The following MACROD2 variants were observed in gnomAD, a reference collection of about 807,000 sequenced individuals.
MACROD2 encodes the protein ADP-ribose glycohydrolase MACROD2.
MACROD2 carries 36 observed loss-of-function variants against 70.4 expected under a neutral mutation model. The observed-to-expected ratio is 0.51, with a 90% CI of 0.39 to 0.68. The LOEUF is 0.68. Among genes scored for constraint, MACROD2 ranks in the 30% least tolerant of loss-of-function variants. The pLI, the probability that MACROD2 is intolerant of heterozygous loss-of-function variation, is 0.00. For synonymous variants in MACROD2, 172 were observed against 178.8 expected, an observed-to-expected ratio of 0.96 and a Z score of 0.30; for missense variants, 496 against 538.4, an observed-to-expected ratio of 0.92 and a Z score of 0.78.
At chr20:15,223,254 A>G (rs1013739123) in intron 5 of MACROD2, among the ~76,000 whole-genome samples, 1 of 152,200 alleles carries the variant, frequency 6.6e-6, no homozygotes, top group African/African-American at 2.4e-5. Context: ...AAATGTACAA[A>G]TCGCATTGCT....
chr20:14,053,273 G>A (rs2148650386), intron 2 of MACROD2: 1 of 152,174 alleles, frequency 6.6e-6, no homozygotes, highest in African/African-American at 2.4e-5. Context: ...TATTTTTGTT[G>A]TATATGTAAC....
intron 5 of MACROD2, among the ~76,000 whole-genome samples, chr20:15,159,767 C>T (rs778081533): frequency 9.3e-5 from 14 of 151,224 alleles, no homozygotes; most frequent in South Asian, 4.2e-4. Flanking sequence ...CACACACACA[C>T]GCATGGGCAC....
intron 6 of MACROD2, among the ~76,000 whole-genome samples, chr20:15,356,598 A>AT (rs11481824): frequency 0.18 from 27,213 of 152,008 alleles, 2,701 homozygotes; most frequent in Non-Finnish European, 0.23. Flanking sequence ...AGCCTGACCA[A>AT]TATGGCTAAA....
At chr20:15,603,140 C>T (rs1271464977) in intron 8 of MACROD2, among the ~76,000 whole-genome samples, 1 of 151,930 alleles carries the variant, frequency 6.6e-6, no homozygotes, top group Non-Finnish European at 1.5e-5. Context: ...TGTGGAGCTT[C>T]CTTATTTAGA....
At position 14,440,362 on chromosome 20, in the gene MACROD2, TG is replaced by T. The variant is rs111413840; in HGVS notation, c.272-53115del. ...TGAGGTTTTTTTGCAATTTTTTTTT[TG>T]GTTTTAGCTCATCAACTATTGTTAG... On this transcript the variant is annotated intron_variant, in intron 3 of 17. Transcript: ENST00000684519. 5.2e-3 allele frequency among the ~76,000 whole-genome samples: 791 copies of T among 151,734 alleles called. 7 individuals are homozygous for T. Among genetic ancestry groups the T allele is most frequent in the South Asian group, 0.015 (72 of 4,808 alleles).
At chr20:14,496,989 G>A (rs1477271761) in intron 4 of MACROD2, among the ~76,000 whole-genome samples, 1 of 151,738 alleles carries the variant, frequency 6.6e-6, no homozygotes, top group African/African-American at 2.4e-5. Flanking sequence ...AAGTTGGAAT[G>A]AGAAGACAGC....
chr20:14,699,785 T>C (rs1285147187), intron 5 of MACROD2, among the ~76,000 whole-genome samples: 2 of 151,602 alleles, frequency 1.3e-5, no homozygotes, highest in Admixed American at 1.3e-4. Context: ...GTTTAAACTT[T>C]TTAAATCTAG....
intron 5 of MACROD2, among the ~76,000 whole-genome samples, chr20:14,861,974 T>A (rs1205420715): frequency 4.2e-5 from 2 of 47,526 alleles, no homozygotes; most frequent in Non-Finnish European, 8.4e-5. Flanking sequence ...GTTTTATATA[T>A]AAATATATAT....
intron 3 of MACROD2, chr20:14,337,379 A>G (rs549922833): frequency 1.5e-4 from 51 of 343,494 alleles, no homozygotes; most frequent in Non-Finnish European, 2.2e-4. Flanking sequence ...GGACAATCAT[A>G]AGAAAAAACA....
At chr20:15,510,342 G>A (rs900789879) in intron 8 of MACROD2, among the ~76,000 whole-genome samples, 1 of 152,124 alleles carries the variant, frequency 6.6e-6, no homozygotes, top group African/African-American at 2.4e-5. Flanking sequence ...ATCCCTTCTA[G>A]GTAGGAAGGA....
At chr20:14,027,033 C>T (rs774074749) in intron 2 of MACROD2, among the ~76,000 whole-genome samples, 4 of 152,212 alleles carry the variant, frequency 2.6e-5, no homozygotes, top group Non-Finnish European at 4.4e-5. Context: ...GGTCGACAGA[C>T]ACCTCATACA....
chr20:14,421,981 G>A (rs921973461), intron 3 of MACROD2, among the ~76,000 whole-genome samples: 4 of 152,062 alleles, frequency 2.6e-5, no homozygotes, highest in Non-Finnish European at 5.9e-5. Context: ...TGTTATTGAA[G>A]GCAAGGTATT....
intron 2 of MACROD2, among the ~76,000 whole-genome samples, chr20:14,023,994 A>G (rs1207763702): frequency 2.6e-5 from 4 of 152,168 alleles, no homozygotes; most frequent in Non-Finnish European, 4.4e-5. Context: ...TTTGGGTAGT[A>G]TGGCCATTTT....
At position 15,178,128 on chromosome 20, in the gene MACROD2, G is replaced by A. The variant is rs534195183; in HGVS notation, c.419-51812G>A. On this transcript the variant is annotated intron_variant, in intron 5 of 17. Coordinates refer to ENST00000684519, the MANE Select transcript of MACROD2 (RefSeq NM_001351661.2). ...TATGAGAGTGAATGTACTGCCTCAG[G>A]TTACTTAAAAGCCGAAGCAGTGATT... Among the ~76,000 whole-genome samples the A allele has an allele frequency of 1.1e-4, 16 of 152,272 alleles. No individual in the cohort carries two copies. The South Asian group carries it at 3.1e-3, about 30-fold the overall frequency.
chr20:14,365,565 CTT>C (rs2083264267), intron 3 of MACROD2, among the ~76,000 whole-genome samples: 1 of 151,828 alleles, frequency 6.6e-6, no homozygotes, highest in Admixed American at 6.6e-5. Context: ...GAACCAATTT[CTT>C]GTTTCGTTAA....
chr20:15,536,781 C>T (rs1479190901), intron 8 of MACROD2, among the ~76,000 whole-genome samples: 1 of 152,146 alleles, frequency 6.6e-6, no homozygotes, highest in Non-Finnish European at 1.5e-5. Flanking sequence ...TGATCGTTTC[C>T]ATCCTAAGAT....
intron 12 of MACROD2, among the ~76,000 whole-genome samples, chr20:15,948,340 C>G (rs975857648): frequency 4.2e-5 from 6 of 144,386 alleles, no homozygotes; most frequent in South Asian, 4.4e-4. Context: ...ACAGCAACCC[C>G]CTTTGGGAGC....
chr20:14,622,198 T>G (rs1015726432), intron 4 of MACROD2, among the ~76,000 whole-genome samples: 4 of 152,176 alleles, frequency 2.6e-5, no homozygotes, highest in African/African-American at 9.6e-5. Context: ...AATAATTTTC[T>G]TGCAATGATC....
At chr20:14,536,117 G>C (rs1020323043) in intron 4 of MACROD2, among the ~76,000 whole-genome samples, 1 of 152,104 alleles carries the variant, frequency 6.6e-6, no homozygotes, top group African/African-American at 2.4e-5. Context: ...ATTACCTACA[G>C]TATCAAAGAG....
Sources: allele counts gnomAD v4.1 joint callset (sites outside exome capture counted in the v4.1 genomes callset), GRCh38; gene constraint gnomAD v4.1.1; transcripts MANE v1.5; gene names NCBI Gene and HGNC (gene_info 2026-07-23, HGNC 2026-07-21).